The following TRAPPC9 variants were observed in gnomAD, a reference collection of about 807,000 sequenced individuals.
The protein encoded by TRAPPC9 is IKK2 binding protein.
TRAPPC9 carries 83 observed loss-of-function variants against 124.0 expected under a neutral mutation model. That is an observed-to-expected ratio of 0.67 (90% CI 0.56 to 0.80). TRAPPC9 has a LOEUF of 0.80. Ranked by LOEUF, TRAPPC9 falls within the 30% of genes least tolerant of loss-of-function variation. The probability of loss-of-function intolerance (pLI) is 0.00; values close to 1 mark genes in which losing one functional copy is unlikely to be tolerated. For synonymous variants in TRAPPC9, 638 were observed against 617.5 expected, an observed-to-expected ratio of 1.03 and a Z score of -0.49; for missense variants, 1,302 against 1,508.3, an observed-to-expected ratio of 0.86 and a Z score of 2.27.
At chr8:139,799,721 C>G (rs1375014397) in intron 21 of TRAPPC9, among the ~76,000 whole-genome samples, 1 of 152,228 alleles carries the variant, frequency 6.6e-6, no homozygotes, top group African/African-American at 2.4e-5. Context: ...AGAGCAGTAA[C>G]AGGAAGAATG....
intron 19 of TRAPPC9, among the ~76,000 whole-genome samples, chr8:139,982,409 T>C (rs2131672976): frequency 6.6e-6 from 1 of 152,118 alleles, no homozygotes; most frequent in South Asian, 2.1e-4. Flanking sequence ...GAAAAATGAG[T>C]GCAAAGCCCA....
chr8:139,767,737 G>A (rs1281907948), intron 21 of TRAPPC9, among the ~76,000 whole-genome samples: 3 of 152,370 alleles, frequency 2.0e-5, no homozygotes, highest in Admixed American at 1.3e-4. Flanking sequence ...TGATGAGCAC[G>A]TGGCAAGGCG....
intron 16 of TRAPPC9, among the ~76,000 whole-genome samples, chr8:140,221,855 T>A (rs2063345055): frequency 6.6e-6 from 1 of 152,124 alleles, no homozygotes; most frequent in Admixed American, 6.5e-5. Flanking sequence ...CCAGGCTGGT[T>A]TTGTTTTTGT....
chr8:140,413,292 G>A (rs1232712666), intron 5 of TRAPPC9, among the ~76,000 whole-genome samples: 2 of 152,124 alleles, frequency 1.3e-5, no homozygotes, highest in Admixed American at 6.6e-5. Flanking sequence ...AGGAGGCTGA[G>A]GCAAGAGAAT....
intron 17 of TRAPPC9, among the ~76,000 whole-genome samples, chr8:140,157,068 C>T (rs1258192937): frequency 5.9e-5 from 6 of 102,354 alleles, no homozygotes; most frequent in East Asian, 8.4e-4. Context: ...GCCTCCCTTT[C>T]CATTCAAAAG....
intron 21 of TRAPPC9, among the ~76,000 whole-genome samples, chr8:139,761,049 C>T (rs1586788121): frequency 6.6e-6 from 1 of 152,254 alleles, no homozygotes; most frequent in African/African-American, 2.4e-5. Context: ...AGGTGCAGTA[C>T]AGGCCTCCCT....
chr8:139,758,648 C>T (rs1435877431), intron 21 of TRAPPC9, among the ~76,000 whole-genome samples: 25 of 152,208 alleles, frequency 1.6e-4, no homozygotes. Flanking sequence ...TGCCCCAGGG[C>T]AGGAGGACCT....
At chr8:139,917,993 C>G (rs1008658857) in intron 19 of TRAPPC9, among the ~76,000 whole-genome samples, 6 of 152,208 alleles carry the variant, frequency 3.9e-5, no homozygotes, top group Admixed American at 3.9e-4. Context: ...GGCCTGGGGC[C>G]AGGCAGTCTG....
intron 16 of TRAPPC9, among the ~76,000 whole-genome samples, chr8:140,245,026 G>A (rs1051435894): frequency 6.6e-6 from 1 of 151,678 alleles, no homozygotes; most frequent in Non-Finnish European, 1.5e-5. Flanking sequence ...GGATGGTCTC[G>A]ATCTCCTGAC....
At chr8:139,814,528 C>G (rs911885345) in intron 21 of TRAPPC9, among the ~76,000 whole-genome samples, 1 of 152,160 alleles carries the variant, frequency 6.6e-6, no homozygotes, top group South Asian at 2.1e-4. Flanking sequence ...AGAGGCTCCT[C>G]TGGGCCCAGT....
intron 21 of TRAPPC9, among the ~76,000 whole-genome samples, chr8:139,759,789 C>T (rs1313182002): frequency 6.6e-6 from 1 of 152,218 alleles, no homozygotes; most frequent in Non-Finnish European, 1.5e-5. Context: ...TGCCCTCCCC[C>T]AGTCAGTCCT....
intron 18 of TRAPPC9, among the ~76,000 whole-genome samples, chr8:140,012,510 T>C (rs1272792941): frequency 1.3e-5 from 2 of 152,196 alleles, no homozygotes; most frequent in African/African-American, 2.4e-5. Flanking sequence ...ACTGGAATCC[T>C]CCCGACAGCC....
intron 18 of TRAPPC9, among the ~76,000 whole-genome samples, chr8:140,014,822 A>G (rs1306845717): frequency 1.3e-5 from 2 of 152,170 alleles, no homozygotes; most frequent in East Asian, 1.9e-4. Flanking sequence ...AGGAATGCCA[A>G]TGTCAGAGGG....
At chr8:139,952,601 G>GA (rs1339166596) in intron 19 of TRAPPC9, among the ~76,000 whole-genome samples, 2 of 152,134 alleles carry the variant, frequency 1.3e-5, no homozygotes, top group East Asian at 1.9e-4. Context: ...CAAGAGGATA[G>GA]AAAAAAGACT....
At chr8:139,868,429 T>C (rs1286819664) in intron 21 of TRAPPC9, among the ~76,000 whole-genome samples, 1 of 152,200 alleles carries the variant, frequency 6.6e-6, no homozygotes, top group Non-Finnish European at 1.5e-5. Context: ...TTCTGCAAGT[T>C]TGTGCATGAT....
At chr8:140,277,617 G>A (rs1471605942) in intron 14 of TRAPPC9, among the ~76,000 whole-genome samples, 1 of 152,258 alleles carries the variant, frequency 6.6e-6, no homozygotes, top group African/African-American at 2.4e-5. Flanking sequence ...GGTCCCAGCT[G>A]CAGCATCCCA....
chr8:139,822,035 C>T (rs557947237), intron 21 of TRAPPC9, among the ~76,000 whole-genome samples: 9 of 152,318 alleles, frequency 5.9e-5, no homozygotes, highest in African/African-American at 2.2e-4. Flanking sequence ...GACCCCTGCC[C>T]TTTCAGTCGT....
At chr8:139,850,887 G>A (rs1827397872) in intron 21 of TRAPPC9, among the ~76,000 whole-genome samples, 1 of 152,150 alleles carries the variant, frequency 6.6e-6, no homozygotes, top group African/African-American at 2.4e-5. Flanking sequence ...CACACACCAA[G>A]AAGCATTCCT....
intron 5 of TRAPPC9, among the ~76,000 whole-genome samples, chr8:140,411,993 C>T (rs2069722445): frequency 6.6e-6 from 1 of 152,194 alleles, no homozygotes; most frequent in Non-Finnish European, 1.5e-5. Context: ...CTGAATCAGC[C>T]AGAACCAGTG....
Sources: gnomAD v4.1 joint callset for allele counts (sites outside exome capture counted in the v4.1 genomes callset) on GRCh38, gnomAD v4.1.1 for gene constraint, MANE v1.5 for transcripts, NCBI Gene and HGNC (gene_info 2026-07-23, HGNC 2026-07-21) for gene names.